Variants in ZDHHC21 observed in about 807,000 individuals in gnomAD.
The protein encoded by ZDHHC21 is zDHHC palmitoyltransferase 21.
ZDHHC21 carries 15 observed loss-of-function variants against 34.6 expected under a neutral mutation model. The observed-to-expected ratio is 0.43, with a 90% CI of 0.29 to 0.67. ZDHHC21 has a LOEUF of 0.67. Among genes scored for constraint, ZDHHC21 ranks in the 30% least tolerant of loss-of-function variants. The pLI, the probability that ZDHHC21 is intolerant of heterozygous loss-of-function variation, is 0.14. For missense variants in ZDHHC21, 344 were observed against 327.7 expected (o/e 1.05, Z -0.38); for synonymous variants, 142 against 101.8 (o/e 1.40, Z -2.38).
At chr9:14,592,727 G>A in the ZDHHC21 span, among the ~76,000 whole-genome samples, 19 of 152,024 alleles carry the variant, frequency 1.2e-4, no homozygotes, top group African/African-American at 2.9e-4. Context: ...TTCTTCTCAA[G>A]CACATATGAA....
chr9:14,651,956 A>C (rs961026695), intron 7 of ZDHHC21, among the ~76,000 whole-genome samples: 3 of 151,944 alleles, frequency 2.0e-5, no homozygotes, highest in Admixed American at 2.0e-4. Flanking sequence ...TTTTCATGCC[A>C]ATAAATATTT....
intron 3 of ZDHHC21, among the ~76,000 whole-genome samples, chr9:14,677,063 T>C (rs1386501285): frequency 6.6e-6 from 1 of 151,968 alleles, no homozygotes; most frequent in East Asian, 1.9e-4. Flanking sequence ...TTGAACTCTA[T>C]TTTTATTCTC....
chr9:14,681,011 T>A (rs1378782357), intron 2 of ZDHHC21, among the ~76,000 whole-genome samples: 1 of 152,098 alleles, frequency 6.6e-6, no homozygotes, highest in Admixed American at 6.5e-5. Context: ...AGCAAAGGCA[T>A]AAAGGCAGGC....
chr9:14,641,002 A>G (rs1305380942), intron 7 of ZDHHC21, among the ~76,000 whole-genome samples: 1 of 152,212 alleles, frequency 6.6e-6, no homozygotes, highest in Non-Finnish European at 1.5e-5. Flanking sequence ...AAACAACCAC[A>G]GAAAATAAAA....
In ZDHHC21 at chr9:14,612,448, G is replaced by C. The variant is rs554640126; in HGVS notation, c.*6518C>G. The C allele has an allele frequency of 6.6e-6, 1 of 151,928 alleles. No individual in the cohort carries two copies. The highest frequency in any genetic ancestry group is 2.1e-4 in the South Asian group (1 of 4,830). The allele number at this position is 151,928 out of a possible 1,614,324, so 9.4% of individuals were successfully genotyped here. ...ATCTGGAACCCAAATAATATACATA[G>C]CAGCATTACATTTGGACAATTACAT... is the stretch of plus-strand genomic sequence containing the variant. On this transcript the variant is annotated 3_prime_UTR_variant, in exon 10 of 10. Coordinates refer to ENST00000380916, the MANE Select transcript of ZDHHC21 (RefSeq NM_178566.6).
intron 7 of ZDHHC21, among the ~76,000 whole-genome samples, chr9:14,649,659 G>A (rs1237450253): frequency 6.6e-6 from 1 of 151,998 alleles, no homozygotes; most frequent in Non-Finnish European, 1.5e-5. Flanking sequence ...CCTCCCTAAT[G>A]GCTGTCATTG....
chr9:14,681,420 T>C (rs188455215), intron 2 of ZDHHC21, among the ~76,000 whole-genome samples: 6 of 152,130 alleles, frequency 3.9e-5, no homozygotes, highest in East Asian at 1.9e-4. Context: ...ATGCTGGTCA[T>C]AGCCTACTAA....
At chr9:14,666,706 C>T (rs1453432574) in intron 5 of ZDHHC21, among the ~76,000 whole-genome samples, 3 of 97,722 alleles carry the variant, frequency 3.1e-5, no homozygotes, top group African/African-American at 6.8e-5. Context: ...CACTCAAAGC[C>T]GCTCAACTAC....
rs1191277622 is a variant in ZDHHC21 at position 14,612,585 on chromosome 9, T to TA, written c.*6380dup. On this transcript the variant is annotated 3_prime_UTR_variant, in exon 10 of 10. Coordinates refer to ENST00000380916, the MANE Select transcript of ZDHHC21 (RefSeq NM_178566.6). The stretch of plus-strand genomic sequence containing the variant: ...AAAATCTTACTCTATGTAAAGTGAG[T>TA]AACCATATCCAGACTTTTTTCTTTC... 6.6e-6 allele frequency: 1 copy of TA among 151,892 alleles called. No individual in the cohort carries two copies. Among genetic ancestry groups the TA allele is most frequent in the Non-Finnish European group, 1.5e-5 (1 of 67,882 alleles). The allele number at this position is 151,892 out of a possible 1,614,324, so 9.4% of individuals were successfully genotyped here.
At chr9:14,666,570 C>T (rs1587318850) in intron 5 of ZDHHC21, among the ~76,000 whole-genome samples, 1 of 104,026 alleles carries the variant, frequency 9.6e-6, no homozygotes, top group South Asian at 4.2e-4. Flanking sequence ...CACACCACAC[C>T]TATTCCAAAA....
the ZDHHC21 span, among the ~76,000 whole-genome samples, chr9:14,602,345 T>G: frequency 6.6e-6 from 1 of 151,922 alleles, no homozygotes; most frequent in Non-Finnish European, 1.5e-5. Context: ...AGGGACCTCA[T>G]AAAGTGACAA....
chr9:14,596,829 A>G, the ZDHHC21 span, among the ~76,000 whole-genome samples: 11 of 152,330 alleles, frequency 7.2e-5, no homozygotes, highest in Non-Finnish European at 1.2e-4. Context: ...GGGCCTAAAC[A>G]GTGAGTAGAA....
At chr9:14,634,676 A>T (rs937252965) in intron 8 of ZDHHC21, among the ~76,000 whole-genome samples, 1 of 152,172 alleles carries the variant, frequency 6.6e-6, no homozygotes, top group African/African-American at 2.4e-5. Context: ...AGCCAACACA[A>T]AGATACATGT....
intron 7 of ZDHHC21, among the ~76,000 whole-genome samples, chr9:14,657,007 G>A (rs73644820): frequency 0.058 from 8,762 of 151,470 alleles, 802 homozygotes; most frequent in African/African-American, 0.2. Flanking sequence ...CATATATGTC[G>A]TATATTCAAA....
Position 14,612,999 on chromosome 9 carries a change from C to T in ZDHHC21, c.*5967G>A, listed in dbSNP as rs538982868. On this transcript the variant is annotated 3_prime_UTR_variant, in exon 10 of 10. Coordinates refer to ENST00000380916, the MANE Select transcript of ZDHHC21 (RefSeq NM_178566.6). ...TCATTTATATAAATTAGAGTTCTTA[C>T]CTTTTTATTCATTGTTGCAGAAATA... 1 of 151,848 alleles carries T rather than the reference C, an allele frequency of 6.6e-6. No homozygotes were observed. Among genetic ancestry groups the T allele is most frequent in the African/African-American group, 2.4e-5 (1 of 41,490 alleles). 9.4% of individuals were successfully genotyped at this position (151,848 alleles called of 1,614,324 possible).
Position 14,618,576 on chromosome 9 carries a change from AT to A in ZDHHC21, c.*389del, listed in dbSNP as rs1393118230. On this transcript the variant is annotated 3_prime_UTR_variant, in exon 10 of 10. Transcript: ENST00000380916. ...GTAAAACCTGAATAATTAAATTTAG[AT>A]TTGGTTACTGTTTAAAAGTGAAAAT... The A allele has an allele frequency of 1.2e-4, 18 of 156,110 alleles. No homozygotes were observed. The Admixed American group carries it at 1.2e-3, about 10-fold the overall frequency. The allele number at this position is 156,110 out of a possible 1,614,324, so 9.7% of individuals were successfully genotyped here.
At chr9:14,643,685 T>C (rs892515862) in intron 7 of ZDHHC21, among the ~76,000 whole-genome samples, 4 of 152,212 alleles carry the variant, frequency 2.6e-5, no homozygotes, top group African/African-American at 7.2e-5. Context: ...CTAATTCACA[T>C]AGAATTATTA....
At chr9:14,644,324 T>C (rs911765125) in intron 7 of ZDHHC21, among the ~76,000 whole-genome samples, 1 of 152,196 alleles carries the variant, frequency 6.6e-6, no homozygotes, top group Non-Finnish European at 1.5e-5. Flanking sequence ...AATGACAGTT[T>C]TATTTCCTTC....
At chr9:14,675,690 T>C (rs1261374750) in intron 3 of ZDHHC21, among the ~76,000 whole-genome samples, 3 of 151,888 alleles carry the variant, frequency 2.0e-5, no homozygotes, top group African/African-American at 7.2e-5. Context: ...AAAGGAACAG[T>C]CTAATGGGAA....
Sources: allele counts gnomAD v4.1 joint callset (sites outside exome capture counted in the v4.1 genomes callset), GRCh38; gene constraint gnomAD v4.1.1; transcripts MANE v1.5; gene names NCBI Gene and HGNC (gene_info 2026-07-23, HGNC 2026-07-21).